Variants in ATM observed in about 807,000 individuals in gnomAD.
ATM encodes the protein ATM serine/threonine kinase.
A neutral mutation model predicts 387.0 loss-of-function variants in ATM; 308 were observed. That is an observed-to-expected ratio of 0.80 (90% CI 0.73 to 0.87). ATM has a LOEUF of 0.87. Among genes scored for constraint, ATM ranks in the 40% least tolerant of loss-of-function variants. The pLI, the probability that ATM is intolerant of heterozygous loss-of-function variation, is 0.00. For synonymous variants in ATM, 1,156 were observed against 1,187.3 expected (o/e 0.97, Z 0.54); for missense variants, 3,312 against 3,560.9 (o/e 0.93, Z 1.78).
At position 108,261,280 on chromosome 11, in the gene ATM, G is replaced by A. The variant is rs903450129; in HGVS notation, c.2466+2205G>A. On this transcript the variant is annotated intron_variant, in intron 16 of 62. Transcript: ENST00000675843. ...CAGTGGTTCTCCCAGCACACAGCTG[G>A]AGATCTGAGAACGGGCAGACTGCCT... 2.0e-5 allele frequency among the ~76,000 whole-genome samples: 3 copies of A among 152,318 alleles called. No individual in the cohort carries two copies. The East Asian group carries it at 5.8e-4, about 29-fold the overall frequency.
intron 27 of ATM, among the ~76,000 whole-genome samples, chr11:108,288,067 T>A (rs4988002): frequency 6.6e-6 from 1 of 152,022 alleles, no homozygotes; most frequent in Non-Finnish European, 1.5e-5. Context: ...CCTTTCTAGA[T>A]CACCTTTTCT....
At chr11:108,265,242 G>C (rs1181109253) in intron 16 of ATM, among the ~76,000 whole-genome samples, 2 of 151,876 alleles carry the variant, frequency 1.3e-5, no homozygotes. Context: ...ATACTACAAG[G>C]CTGCAGTAAC....
Position 108,368,294 on chromosome 11 carries a change from A to C in ATM, c.*2786A>C, listed in dbSNP as rs2091437616. The C allele has an allele frequency of 4.7e-6, 1 of 211,558 alleles. No individual in the cohort carries two copies. The highest frequency in any genetic ancestry group is 1.9e-4 in the South Asian group (1 of 5,330). The allele number at this position is 211,558 out of a possible 1,614,324, so 13.1% of individuals were successfully genotyped here. On this transcript the variant is annotated 3_prime_UTR_variant, in exon 63 of 63. Coordinates refer to ENST00000675843, the MANE Select transcript of ATM (RefSeq NM_000051.4). The stretch of plus-strand genomic sequence containing the variant: ...ACAGAGCAAGACTCTGCCTCAAAAA[A>C]AAAAAAAAAAAGGTTTTGGCAAGCT...
intron 56 of ATM, among the ~76,000 whole-genome samples, chr11:108,339,476 A>G (rs1346632870): frequency 6.6e-6 from 1 of 152,106 alleles, no homozygotes; most frequent in African/African-American, 2.4e-5. Flanking sequence ...CTAGGATGAT[A>G]TCAGCTGTGT....
chr11:108,312,322 G>A, intron 39 of ATM, 89 bp from the exon 40 acceptor site: 1 of 996,564 alleles, frequency 1.0e-6, no homozygotes, highest in South Asian at 1.4e-5. Flanking sequence ...ACCTTCATTA[G>A]TTTTTTTCTG....
At chr11:108,338,890 G>A (rs1010483403) in intron 56 of ATM, among the ~76,000 whole-genome samples, 24 of 152,210 alleles carry the variant, frequency 1.6e-4, no homozygotes, top group African/African-American at 3.4e-4. Flanking sequence ...AGACTACAGC[G>A]AAGTAGTCTA....
chr11:108,316,866 C>T (rs1277683804), intron 42 of ATM, among the ~76,000 whole-genome samples: 2 of 151,572 alleles, frequency 1.3e-5, no homozygotes, highest in Non-Finnish European at 2.9e-5. Flanking sequence ...GCAGAGGTTG[C>T]AGTGAGCCGA....
intron 61 of ATM, among the ~76,000 whole-genome samples, chr11:108,357,470 G>T (rs1287462225): frequency 1.3e-5 from 2 of 152,228 alleles, no homozygotes; most frequent in Non-Finnish European, 2.9e-5. Flanking sequence ...GCCTGCCTCT[G>T]TAGGCTCCAC....
chr11:108,227,836 C>A lies in ATM; in HGVS notation c.133C>A (p.Arg45=), dbSNP rs3218684. 5 of 1,613,442 alleles carry A rather than the reference C, an allele frequency of 3.1e-6. No homozygotes were observed. In the South Asian group the frequency reaches 3.3e-5, roughly 11 times the overall value. ...TCCTGAAACAATTAAACATCTAGAT[C>A]GGCATTCAGATTCCAAACAAGGAAA... ...RDPETIKHLD[R]HSDSKQGKYL... The change falls in exon 3 of 63, where the codon CGG becomes AGG. Residue 45 remains arginine, a synonymous_variant. Transcript: ENST00000675843.
Position 108,244,958 on chromosome 11 carries a change from T to A in ATM, c.833T>A (p.Val278Asp), listed in dbSNP as rs2135242251. Residue 278 changes from valine to aspartate, a missense_variant, in exon 7 of 63, where the codon GTC (valine) becomes GAC (aspartate). Coordinates refer to ENST00000675843, the MANE Select transcript of ATM (RefSeq NM_000051.4). ...AGGCTTAATGATTCTTTAAAAGAAGTCATTATTGAATTATTTCAACTGCAA... is the reference window on the plus strand; with the variant it reads ...AGGCTTAATGATTCTTTAAAAGAAGACATTATTGAATTATTTCAACTGCAA... ...QHRLNDSLKE[V>D]IIELFQLQIY... is the part of the protein sequence containing the mutation. 1 of 1,613,274 alleles carries A rather than the reference T, an allele frequency of 6.2e-7. No homozygotes were observed. Among genetic ancestry groups the A allele is most frequent in the East Asian group, 2.2e-5 (1 of 44,822 alleles).
In ATM at chr11:108,268,460, T is replaced by A. The variant is rs147122522; in HGVS notation, c.2689T>A (p.Phe897Ile). The A allele has an allele frequency of 3.5e-5, 57 of 1,613,938 alleles. No homozygotes were observed. The highest frequency in any genetic ancestry group is 4.6e-5 in the Non-Finnish European group (54 of 1,179,994). Reference sequence around the variant, plus strand: ...ATATCTGTCAAAGCAAGATCTACTTTTCTTAGACATGCTCAAGTTCTTGTG... The same window carrying A: ...ATATCTGTCAAAGCAAGATCTACTTATCTTAGACATGCTCAAGTTCTTGTG... ...EEYLSKQDLL[F>I]LDMLKFLCLC... Residue 897 changes from phenylalanine (F) to isoleucine (I), a missense_variant, in exon 18 of 63, where the codon TTC (phenylalanine) becomes ATC (isoleucine). Phe to Ile is a conservative substitution (Grantham distance 21). This residue lies in a region of ATM where 1,791 missense variants were observed against 1,804.5 expected (regional missense o/e 0.99). Coordinates refer to ENST00000675843, the MANE Select transcript of ATM (RefSeq NM_000051.4).
rs752339681 is a variant in ATM at position 108,279,549 on chromosome 11, C to T, written c.3343C>T (p.Leu1115Phe). 5 of 1,613,834 alleles carry T rather than the reference C, an allele frequency of 3.1e-6. No individual in the cohort carries two copies. The highest frequency in any genetic ancestry group is 1.1e-5 in the South Asian group (1 of 91,074). ...SRLLKALPLK[L>F]QQTAFENAYL... ...GTTACTGAAAGCACTTCCTTTGAAG[C>T]TTCAGCAAACAGCTTTTGAAAATGC... Residue 1115 changes from leucine to phenylalanine, a missense_variant, in exon 23 of 63, where the codon CTT becomes TTT. Physicochemically the swap from Leu to Phe is conservative, Grantham distance 22. This residue lies in a region of ATM where 1,791 missense variants were observed against 1,804.5 expected (regional missense o/e 0.99). Transcript: ENST00000675843.
At chr11:108,310,087 C>G (rs2084012584) in intron 38 of ATM, 73 bp from the exon 39 acceptor site, 2 of 1,501,552 alleles carry the variant, frequency 1.3e-6, no homozygotes, top group Non-Finnish European at 1.8e-6. Flanking sequence ...CCATTGTATT[C>G]TATATCAACA....
chr11:108,270,539 G>A (rs1240163939), intron 18 of ATM, among the ~76,000 whole-genome samples: 1 of 152,002 alleles, frequency 6.6e-6, no homozygotes, highest in Non-Finnish European at 1.5e-5. Flanking sequence ...GATGACATAA[G>A]GCAAGTTTTT....
At position 108,365,405 on chromosome 11, in the gene ATM, G is replaced by A. The variant is rs769548726; in HGVS notation, c.9068G>A (p.Gly3023Asp). 3 of 1,614,188 alleles carry A rather than the reference G, an allele frequency of 1.9e-6. No homozygotes were observed. The East Asian group carries it at 6.7e-5, about 36-fold the overall frequency. Reference sequence around the variant, plus strand: ...GAGAAACTGAAAGGAGTGGAAGAAGGCACTGTGCTCAGTGTTGGTGGACAA... The same window carrying A: ...GAGAAACTGAAAGGAGTGGAAGAAGACACTGTGCTCAGTGTTGGTGGACAA... ...LQEKLKGVEE[G>D]TVLSVGGQVN... The change falls in exon 63 of 63, where the codon GGC (glycine) becomes GAC (aspartate). Residue 3023 changes from glycine to aspartate, a missense_variant. Physicochemically the swap from Gly to Asp is moderately conservative, Grantham distance 94. Transcript: ENST00000675843.
intron 53 of ATM, among the ~76,000 whole-genome samples, chr11:108,333,654 C>A (rs767015187): frequency 6.6e-6 from 1 of 152,174 alleles, no homozygotes; most frequent in African/African-American, 2.4e-5. Context: ...GGAATCTGGT[C>A]TAGTTACCCT....
At position 108,325,577 on chromosome 11, in the gene ATM, T is replaced by C. The variant is rs1263633847; in HGVS notation, c.6807+33T>C. 49 of 1,518,254 alleles carry C rather than the reference T, an allele frequency of 3.2e-5. No individual in the cohort carries two copies. In the Admixed American group the frequency reaches 8.2e-4, roughly 25 times the overall value. The allele number at this position is 1,518,254 out of a possible 1,614,324, so 94.0% of individuals were successfully genotyped here. On this transcript the variant is annotated intron_variant, in intron 46 of 62. Coordinates refer to ENST00000675843, the MANE Select transcript of ATM (RefSeq NM_000051.4). ...CAATTTAAAACTATGTCATCTTACC[T>C]CTTGACTTTCCTTTTATTATTTAAA...
chr11:108,275,381 TG>T (rs1825202098), intron 22 of ATM, among the ~76,000 whole-genome samples: 1 of 152,242 alleles, frequency 6.6e-6, no homozygotes, highest in Admixed American at 6.5e-5. Context: ...AATATTGTTA[TG>T]TGTGAATTTG....
At chr11:108,310,996 C>A (rs182218104) in intron 39 of ATM, among the ~76,000 whole-genome samples, 27 of 152,266 alleles carry the variant, frequency 1.8e-4, no homozygotes, top group Non-Finnish European at 2.9e-4. Flanking sequence ...TGGCCTGGGT[C>A]TCATTATTTC....
Sources: allele counts gnomAD v4.1 joint callset (sites outside exome capture counted in the v4.1 genomes callset), GRCh38; gene constraint gnomAD v4.1.1; regional missense constraint gnomAD v4.1.1; transcripts MANE v1.5; gene names NCBI Gene and HGNC (gene_info 2026-07-23, HGNC 2026-07-21).